SEMA6D: variants seen among roughly 807,000 people sequenced by gnomAD.
The protein encoded by SEMA6D is semaphorin 6D, also known as semaphorin-6D.
SEMA6D carries 35 observed loss-of-function variants against 106.6 expected under a neutral mutation model. That is an observed-to-expected ratio of 0.33 (90% CI 0.25 to 0.44). The LOEUF (loss-of-function observed/expected upper bound fraction) is 0.44. Ranked by LOEUF, SEMA6D falls within the 20% of genes least tolerant of loss-of-function variation. SEMA6D has a pLI of 1.00. For synonymous variants in SEMA6D, 499 were observed against 487.7 expected, an observed-to-expected ratio of 1.02 and a Z score of -0.31; for missense variants, 1,185 against 1,345.9, an observed-to-expected ratio of 0.88 and a Z score of 1.87.
At chr15:47,640,866 T>A (rs2077476188) in intron 4 of SEMA6D, among the ~76,000 whole-genome samples, 1 of 152,178 alleles carries the variant, frequency 6.6e-6, no homozygotes, top group Non-Finnish European at 1.5e-5. Context: ...ATACCTTTTT[T>A]TTTTTAAATC....
intron 1 of SEMA6D, among the ~76,000 whole-genome samples, chr15:47,317,231 G>A (rs72731788): frequency 6.6e-6 from 1 of 152,118 alleles, no homozygotes; most frequent in Non-Finnish European, 1.5e-5. Context: ...TTCTTTTAAT[G>A]TCTTTGGGAC....
chr15:47,522,487 C>T (rs1234694159), intron 3 of SEMA6D, among the ~76,000 whole-genome samples: 5 of 152,120 alleles, frequency 3.3e-5, no homozygotes, highest in Non-Finnish European at 7.4e-5. Flanking sequence ...GAAGGGCAAA[C>T]ACAGGGTCTC....
intron 1 of SEMA6D, among the ~76,000 whole-genome samples, chr15:47,750,987 A>G (rs1207498628): frequency 6.6e-6 from 1 of 152,128 alleles, no homozygotes; most frequent in African/African-American, 2.4e-5. Context: ...AGGAGCACCC[A>G]TGCTTTTCAG....
At chr15:47,444,100 A>T (rs1455361220) in intron 2 of SEMA6D, among the ~76,000 whole-genome samples, 1 of 152,140 alleles carries the variant, frequency 6.6e-6, no homozygotes, top group Non-Finnish European at 1.5e-5. Context: ...CAACAACTAC[A>T]TCTTGGACTT....
intron 1 of SEMA6D, among the ~76,000 whole-genome samples, chr15:47,733,770 C>T (rs2080283266): frequency 6.6e-6 from 1 of 152,140 alleles, no homozygotes; most frequent in Non-Finnish European, 1.5e-5. Flanking sequence ...GACATAAACT[C>T]ACTAAGTTAT....
rs1051717192 is a variant in SEMA6D at position 47,759,775 on chromosome 15, A to G, written c.-24A>G. 8 of 1,580,616 alleles carry G rather than the reference A, an allele frequency of 5.1e-6. No homozygotes were observed. Among genetic ancestry groups the G allele is most frequent in the Middle Eastern group, 1.7e-4 (1 of 5,984 alleles). On this transcript the variant is annotated 5_prime_UTR_variant, in exon 2 of 19. Coordinates refer to ENST00000536845, the MANE Select transcript of SEMA6D (RefSeq NM_001358351.3). ...TCAGTGGCATTTCTGAGCAGGGGCC[A>G]CCCTGACTTCACCTTGGCCCACCAT...
At chr15:47,314,826 C>T (rs908686051) in intron 1 of SEMA6D, among the ~76,000 whole-genome samples, 1 of 144,294 alleles carries the variant, frequency 6.9e-6, no homozygotes, top group African/African-American at 2.6e-5. Context: ...CAGTCATCAT[C>T]AAACCCAAAT....
At chr15:47,562,337 A>T (rs979805745) in intron 3 of SEMA6D, among the ~76,000 whole-genome samples, 1 of 152,112 alleles carries the variant, frequency 6.6e-6, no homozygotes, top group African/African-American at 2.4e-5. Context: ...AGGAACTTAG[A>T]CTATAAAAAT....
intron 2 of SEMA6D, among the ~76,000 whole-genome samples, chr15:47,443,890 A>G (rs561733381): frequency 1.6e-4 from 25 of 152,202 alleles, no homozygotes; most frequent in African/African-American, 6.0e-4. Context: ...AACTAAGAAC[A>G]GTATATTTTT....
chr15:47,624,230 A>T (rs2077162198), intron 4 of SEMA6D, among the ~76,000 whole-genome samples: 1 of 152,182 alleles, frequency 6.6e-6, no homozygotes, highest in Admixed American at 6.5e-5. Flanking sequence ...TTCTTGGAAG[A>T]CTTCCTTATC....
chr15:47,252,424 A>G (rs1036085310), intron 1 of SEMA6D, among the ~76,000 whole-genome samples: 1 of 152,082 alleles, frequency 6.6e-6, no homozygotes, highest in Non-Finnish European at 1.5e-5. Context: ...TACTTTTCTA[A>G]CTATCCTAAA....
At chr15:47,567,151 G>A (rs188046345) in intron 3 of SEMA6D, among the ~76,000 whole-genome samples, 1 of 152,134 alleles carries the variant, frequency 6.6e-6, no homozygotes, top group Non-Finnish European at 1.5e-5. Flanking sequence ...CCATTGAAGA[G>A]TTTTTGTGTA....
rs3985864 is a variant in SEMA6D, at chr15:47,746,984, G to GTATATATATATATATA, written c.-54-12757_-54-12742dup. Among the ~76,000 whole-genome samples the GTATATATATATATATA allele has an allele frequency of 3.0e-3, 371 of 122,084 alleles. 10 individuals are homozygous for GTATATATATATATATA. The East Asian group carries it at 0.037, about 12-fold the overall frequency. 80.1% of individuals were successfully genotyped at this position (122,084 alleles called of 152,430 possible). On this transcript the variant is annotated intron_variant, in intron 1 of 18. Transcript: ENST00000536845. ...ACAGTCTCCTGCTGTGTGTGTGTGT[G>GTATATATATATATATA]TATATATATATATATATATTTCGAT...
At chr15:47,617,792 G>A (rs928570487) in intron 4 of SEMA6D, among the ~76,000 whole-genome samples, 1 of 152,154 alleles carries the variant, frequency 6.6e-6, no homozygotes, top group African/African-American at 2.4e-5. Context: ...GATTAATTGA[G>A]TTAATCTATA....
rs544391760 is a variant in SEMA6D at position 47,420,464 on chromosome 15, C to G, written c.-159+7992C>G. On this transcript the variant is annotated intron_variant, in intron 2 of 19. Coordinates refer to the SEMA6D transcript ENST00000558014. ...AATGTATGTCCATTGCCTCCAATGT[C>G]TCTGGAAATACTGCCTTCTCCCCCT... Among the ~76,000 whole-genome samples the G allele has an allele frequency of 3.3e-5, 5 of 152,144 alleles. No individual in the cohort carries two copies. In the South Asian group the frequency reaches 8.3e-4, roughly 25 times the overall value.
At chr15:47,477,855 T>C (rs1229038914) in intron 3 of SEMA6D, among the ~76,000 whole-genome samples, 4 of 150,188 alleles carry the variant, frequency 2.7e-5, no homozygotes, top group African/African-American at 1.0e-4. Flanking sequence ...CTAAAGAGAA[T>C]ATTGGCTTAG....
At chr15:47,331,226 A>G (rs1483589957) in intron 1 of SEMA6D, among the ~76,000 whole-genome samples, 1 of 152,114 alleles carries the variant, frequency 6.6e-6, no homozygotes, top group African/African-American at 2.4e-5. Flanking sequence ...ATTTGGTTAA[A>G]TTTTCTTGAG....
At chr15:47,236,832 G>A (rs969724678) in intron 1 of SEMA6D, among the ~76,000 whole-genome samples, 7 of 152,176 alleles carry the variant, frequency 4.6e-5, no homozygotes, top group African/African-American at 1.7e-4. Context: ...TGGGCAAATA[G>A]CACGGGACTG....
intron 1 of SEMA6D, chr15:47,396,882 A>T (rs942594143): frequency 6.6e-6 from 1 of 152,184 alleles, no homozygotes; most frequent in African/African-American, 2.4e-5. Flanking sequence ...CCGGCATATT[A>T]AAGGTACTAA....
Sources: gnomAD v4.1 joint callset for allele counts (sites outside exome capture counted in the v4.1 genomes callset) on GRCh38, gnomAD v4.1.1 for gene constraint, MANE v1.5 for transcripts, NCBI Gene and HGNC (gene_info 2026-07-23, HGNC 2026-07-21) for gene names.